CDH12: variants seen among roughly 807,000 people sequenced by gnomAD.
CDH12 encodes cadherin 12, also known as cadherin-12.
A neutral mutation model predicts 74.1 loss-of-function variants in CDH12; 41 were observed. That is an observed-to-expected ratio of 0.55 (90% CI 0.43 to 0.72). The LOEUF is 0.72. CDH12 is among the 30% of genes least tolerant of loss of function. The probability of loss-of-function intolerance (pLI) is 0.00; values close to 1 mark genes in which losing one functional copy is unlikely to be tolerated. For synonymous variants in CDH12, 399 were observed against 355.0 expected (o/e 1.12, Z -1.39); for missense variants, 945 against 977.2 (o/e 0.97, Z 0.44).
chr5:22,158,370 A>G lies in CDH12; in HGVS notation c.-187+54128T>C, dbSNP rs1748146180. Among the ~76,000 whole-genome samples the G allele has an allele frequency of 3.9e-5, 6 of 152,142 alleles. No homozygotes were observed. In the South Asian group the frequency reaches 1.2e-3, roughly 32 times the overall value. On this transcript the variant is annotated intron_variant, in intron 4 of 14. Transcript: ENST00000382254. ...TTTTGCATATGATAAAATAGATAAT[A>G]TTTACTGAGCACTTATCACAAGTCA...
intron 3 of CDH12, among the ~76,000 whole-genome samples, chr5:22,276,730 A>C (rs1261802383): frequency 6.6e-6 from 1 of 152,214 alleles, no homozygotes; most frequent in East Asian, 1.9e-4. Flanking sequence ...TCTGTGGCCC[A>C]GGCTGGAGCG....
chr5:22,761,090 T>C (rs1379601467), intron 1 of CDH12, among the ~76,000 whole-genome samples: 1 of 152,200 alleles, frequency 6.6e-6, no homozygotes, highest in Admixed American at 6.5e-5. Context: ...TTTGTCATAG[T>C]TTAAAATATT....
At chr5:22,183,539 T>A (rs1397478064) in intron 4 of CDH12, among the ~76,000 whole-genome samples, 2 of 152,336 alleles carry the variant, frequency 1.3e-5, no homozygotes, top group East Asian at 3.9e-4. Context: ...GGTAACCAGA[T>A]AAGAAAGCAC....
At chr5:22,612,449 G>C (rs984213433) in intron 1 of CDH12, among the ~76,000 whole-genome samples, 11 of 152,108 alleles carry the variant, frequency 7.2e-5, no homozygotes, top group African/African-American at 2.7e-4. Flanking sequence ...GGAAAAGAAA[G>C]ATTTTGTGGC....
chr5:22,194,338 T>C (rs1750498277), intron 4 of CDH12, among the ~76,000 whole-genome samples: 1 of 150,834 alleles, frequency 6.6e-6, no homozygotes, highest in Admixed American at 6.6e-5. Context: ...GTTTTTTTTG[T>C]TTTTTGTTTT....
chr5:22,792,256 T>C (rs1747953577), intron 1 of CDH12, among the ~76,000 whole-genome samples: 1 of 151,922 alleles, frequency 6.6e-6, no homozygotes, highest in Non-Finnish European at 1.5e-5. Flanking sequence ...GCCCCACTAA[T>C]TTTTCTATTT....
At position 22,298,840 on chromosome 5, in the gene CDH12, G is replaced by A. The variant is rs145312742; in HGVS notation, c.-332-86197C>T. ...TCTAATAGATCAATGCACACTCTTC[G>A]GCATATCAACAAAGAAGTATTTGTT... On this transcript the variant is annotated intron_variant, in intron 3 of 14. Coordinates refer to ENST00000382254, the MANE Select transcript of CDH12 (RefSeq NM_004061.5). Among the ~76,000 whole-genome samples, 308 of 152,064 alleles carry A rather than the reference G, an allele frequency of 2.0e-3. 3 individuals are homozygous for A. The highest frequency in any genetic ancestry group is 0.017 in the Middle Eastern group (5 of 294).
intron 11 of CDH12, among the ~76,000 whole-genome samples, chr5:21,776,825 A>G (rs1324823740): frequency 1.3e-5 from 2 of 152,168 alleles, no homozygotes; most frequent in Non-Finnish European, 2.9e-5. Context: ...TCACCCCAAG[A>G]CAGGACCTGT....
intron 1 of CDH12, among the ~76,000 whole-genome samples, chr5:22,629,296 G>T (rs917206330): frequency 6.6e-6 from 1 of 151,356 alleles, no homozygotes; most frequent in African/African-American, 2.4e-5. Flanking sequence ...AGACACACAC[G>T]CATAAACACA....
intron 1 of CDH12, among the ~76,000 whole-genome samples, chr5:22,635,277 C>T (rs749618280): frequency 1.4e-4 from 21 of 152,024 alleles, no homozygotes; most frequent in Non-Finnish European, 2.4e-4. Context: ...AGTGCTGGGA[C>T]GAACAGATAC....
intron 2 of CDH12, among the ~76,000 whole-genome samples, chr5:22,428,497 G>T (rs1467077403): frequency 6.6e-6 from 1 of 151,934 alleles, no homozygotes; most frequent in Non-Finnish European, 1.5e-5. Flanking sequence ...TAGAGAAAGA[G>T]ATGTTGAAAC....
chr5:22,244,674 G>A, intron 3 of CDH12, among the ~76,000 whole-genome samples: 1 of 145,382 alleles, frequency 6.9e-6, no homozygotes, highest in Admixed American at 7.0e-5. Flanking sequence ...AAGAAAGAAA[G>A]AGAAGGAAAG....
At chr5:21,886,521 ATATT>A (rs1752639147) in intron 6 of CDH12, among the ~76,000 whole-genome samples, 2 of 146,834 alleles carry the variant, frequency 1.4e-5, no homozygotes, top group African/African-American at 2.5e-5. Flanking sequence ...GAGTTTACAT[ATATT>A]ATTATATTAT....
At chr5:22,055,181 C>A in intron 5 of CDH12, among the ~76,000 whole-genome samples, 1 of 152,126 alleles carries the variant, frequency 6.6e-6, no homozygotes, top group Admixed American at 6.6e-5. Context: ...GGTCCTTGCA[C>A]AATAAAGAGT....
In CDH12 at chr5:22,091,627, A is replaced by T. The variant is rs1008443978; in HGVS notation, c.-186-12765T>A. On this transcript the variant is annotated intron_variant, in intron 4 of 14. Coordinates refer to ENST00000382254, the MANE Select transcript of CDH12 (RefSeq NM_004061.5). ...GAAAGTTAATATTATTAAGAAGACAATAACCCCAAATTGATCCTTATGCAA... is the reference window on the plus strand; with the variant it reads ...GAAAGTTAATATTATTAAGAAGACATTAACCCCAAATTGATCCTTATGCAA... Among the ~76,000 whole-genome samples, 84 of 152,064 alleles carry T rather than the reference A, an allele frequency of 5.5e-4. 1 individual carries two copies. The highest frequency in any genetic ancestry group is 1.6e-4 in the Non-Finnish European group (11 of 67,950).
At chr5:22,236,857 G>A (rs962929303) in intron 3 of CDH12, among the ~76,000 whole-genome samples, 9 of 152,078 alleles carry the variant, frequency 5.9e-5, no homozygotes, top group African/African-American at 2.2e-4. Flanking sequence ...TCCACTGGAA[G>A]GTCTTCAGGG....
At chr5:22,363,868 A>G (rs1353646153) in intron 3 of CDH12, among the ~76,000 whole-genome samples, 1 of 152,218 alleles carries the variant, frequency 6.6e-6, no homozygotes, top group Non-Finnish European at 1.5e-5. Context: ...ACCAGACAGT[A>G]AACTAGACCA....
chr5:21,809,195 A>G (rs915162648), intron 9 of CDH12, among the ~76,000 whole-genome samples: 4 of 152,120 alleles, frequency 2.6e-5, no homozygotes, highest in Admixed American at 2.0e-4. Flanking sequence ...CTTAAGAATC[A>G]TGGTCATTAT....
chr5:22,503,145 T>C (rs1736241140), intron 2 of CDH12, among the ~76,000 whole-genome samples: 1 of 152,130 alleles, frequency 6.6e-6, no homozygotes, highest in Admixed American at 6.6e-5. Context: ...AGAAGAAAGA[T>C]TTATTTCCTT....
Sources: allele counts gnomAD v4.1 joint callset (sites outside exome capture counted in the v4.1 genomes callset), GRCh38; gene constraint gnomAD v4.1.1; transcripts MANE v1.5; gene names NCBI Gene and HGNC (gene_info 2026-07-23, HGNC 2026-07-21).